The following TAFA1 variants were observed in gnomAD, a reference collection of about 807,000 sequenced individuals.
TAFA1 encodes TAFA chemokine like family member 1.
TAFA1 carries 4 observed loss-of-function variants against 18.5 expected under a neutral mutation model. That is an observed-to-expected ratio of 0.22 (90% CI 0.11 to 0.49). TAFA1 has a LOEUF of 0.49. Ranked by LOEUF, TAFA1 falls within the 20% of genes least tolerant of loss-of-function variation. TAFA1 has a pLI of 0.98. For missense variants in TAFA1, 147 were observed against 169.0 expected (o/e 0.87, Z 0.72); for synonymous variants, 56 against 55.2 (o/e 1.01, Z -0.06).
chr3:68,457,258 C>G (rs999072193), intron 3 of TAFA1, among the ~76,000 whole-genome samples: 2 of 152,100 alleles, frequency 1.3e-5, no homozygotes, highest in East Asian at 3.9e-4. Context: ...GTGAATGGCT[C>G]CATGTATGGC....
At chr3:68,123,732 G>A (rs1291844325) in intron 2 of TAFA1, among the ~76,000 whole-genome samples, 1 of 151,996 alleles carries the variant, frequency 6.6e-6, no homozygotes, top group Non-Finnish European at 1.5e-5. Context: ...CCACGTGATT[G>A]TTCACCTGAA....
At chr3:68,243,785 C>T (rs2067032998) in intron 2 of TAFA1, among the ~76,000 whole-genome samples, 1 of 152,046 alleles carries the variant, frequency 6.6e-6, no homozygotes, top group African/African-American at 2.4e-5. Context: ...ATTTTAACTT[C>T]ACTGAGAGAA....
At chr3:68,400,968 T>C (rs764058736) in intron 2 of TAFA1, among the ~76,000 whole-genome samples, 1 of 152,094 alleles carries the variant, frequency 6.6e-6, no homozygotes, top group East Asian at 1.9e-4. Flanking sequence ...GTTCTAGCCA[T>C]ATAGAAAAAG....
intron 3 of TAFA1, among the ~76,000 whole-genome samples, chr3:68,520,012 G>A (rs2072994034): frequency 6.6e-6 from 1 of 152,206 alleles, no homozygotes; most frequent in African/African-American, 2.4e-5. Context: ...CCTTCTTGTA[G>A]GAAGGGGATC....
intron 2 of TAFA1, among the ~76,000 whole-genome samples, chr3:68,065,784 C>A (rs1289602125): frequency 8.1e-6 from 1 of 123,268 alleles, no homozygotes; most frequent in Non-Finnish European, 1.7e-5. Flanking sequence ...ATTACCTATG[C>A]CTCTGTCTAT....
At chr3:68,431,267 A>G (rs1447751998) in intron 3 of TAFA1, among the ~76,000 whole-genome samples, 1 of 152,004 alleles carries the variant, frequency 6.6e-6, no homozygotes, top group Non-Finnish European at 1.5e-5. Flanking sequence ...TGCTCCCTTT[A>G]AAATCTTCAA....
intron 2 of TAFA1, among the ~76,000 whole-genome samples, chr3:68,317,465 C>A (rs2068622222): frequency 6.6e-6 from 1 of 152,148 alleles, no homozygotes; most frequent in African/African-American, 2.4e-5. Flanking sequence ...GTAAAGAGAC[C>A]TGGTGAGCTA....
intron 2 of TAFA1, among the ~76,000 whole-genome samples, chr3:68,358,299 T>C (rs2069402191): frequency 6.6e-6 from 1 of 152,004 alleles, no homozygotes; most frequent in African/African-American, 2.4e-5. Flanking sequence ...TGTCATCTTA[T>C]TGAGCTAATA....
chr3:68,519,187 T>C (rs1054258802), intron 3 of TAFA1, among the ~76,000 whole-genome samples: 1 of 152,202 alleles, frequency 6.6e-6, no homozygotes, highest in South Asian at 2.1e-4. Context: ...GACGAGGGCC[T>C]CATGTGAGTG....
At chr3:68,229,518 C>CT (rs917323369) in intron 2 of TAFA1, among the ~76,000 whole-genome samples, 25 of 151,738 alleles carry the variant, frequency 1.6e-4, no homozygotes, top group Middle Eastern at 3.4e-3. Flanking sequence ...TTGGAGTGGG[C>CT]TTTTTTTTGG....
At chr3:68,200,570 C>T (rs1383372213) in intron 2 of TAFA1, among the ~76,000 whole-genome samples, 1 of 151,576 alleles carries the variant, frequency 6.6e-6, no homozygotes, top group African/African-American at 2.4e-5. Context: ...CAGAGTGTGT[C>T]TTCCAAAGAA....
At chr3:67,996,807 T>G in the TAFA1 span, among the ~76,000 whole-genome samples, 3 of 45,472 alleles carry the variant, frequency 6.6e-5, no homozygotes, top group African/African-American at 2.2e-4. Flanking sequence ...AAAACAAAAA[T>G]AAGAAAAAAA....
intron 2 of TAFA1, among the ~76,000 whole-genome samples, chr3:68,018,523 A>T (rs985584078): frequency 6.6e-6 from 1 of 152,184 alleles, no homozygotes; most frequent in Non-Finnish European, 1.5e-5. Context: ...GCGGAGGACT[A>T]CAGTTACCCA....
chr3:67,999,253 TCTCA>T (rs1261820108), upstream of TAFA1, among the ~76,000 whole-genome samples: 94 of 44,616 alleles, frequency 2.1e-3, no homozygotes, highest in African/African-American at 6.4e-3. Context: ...TCTCTCTCTC[TCTCA>T]TTCTCTCTAT....
chr3:68,441,565 C>A (rs1406878968), intron 3 of TAFA1, among the ~76,000 whole-genome samples: 1 of 152,092 alleles, frequency 6.6e-6, no homozygotes, highest in Non-Finnish European at 1.5e-5. Context: ...CCCATCTAGC[C>A]ATAAAGTGGG....
chr3:68,476,715 A>G lies in TAFA1; in HGVS notation c.259+59295A>G, dbSNP rs545012023. On this transcript the variant is annotated intron_variant, in intron 3 of 4. Coordinates refer to ENST00000478136, the MANE Select transcript of TAFA1 (RefSeq NM_213609.4). The stretch of plus-strand genomic sequence containing the variant: ...ATTATTTTCTAATACCCATCCTTTT[A>G]CATTCATAGGATTTGTTACCAGGAT... Among the ~76,000 whole-genome samples the G allele has an allele frequency of 5.9e-5, 9 of 152,274 alleles. No homozygotes were observed. The East Asian group carries it at 1.7e-3, about 29-fold the overall frequency.
At chr3:68,544,186 A>C (rs2073420746) in intron 4 of TAFA1, among the ~76,000 whole-genome samples, 1 of 152,114 alleles carries the variant, frequency 6.6e-6, no homozygotes, top group Non-Finnish European at 1.5e-5. Context: ...GGCCTTGTGC[A>C]ACTTCATAGG....
intron 2 of TAFA1, among the ~76,000 whole-genome samples, chr3:68,259,371 A>G (rs2067364098): frequency 1.3e-5 from 2 of 152,284 alleles, no homozygotes; most frequent in South Asian, 4.1e-4. Flanking sequence ...AGACATTGAT[A>G]GAAAAAGTGA....
chr3:68,516,768 A>T (rs2072926334), intron 3 of TAFA1, among the ~76,000 whole-genome samples: 1 of 152,104 alleles, frequency 6.6e-6, no homozygotes, highest in Non-Finnish European at 1.5e-5. Context: ...GTACAGAGTA[A>T]ATAAATTGTT....
Sources: gnomAD v4.1 joint callset for allele counts (sites outside exome capture counted in the v4.1 genomes callset) on GRCh38, gnomAD v4.1.1 for gene constraint, MANE v1.5 for transcripts, NCBI Gene and HGNC (gene_info 2026-07-23, HGNC 2026-07-21) for gene names.